PDE4B: variants seen among roughly 807,000 people sequenced by gnomAD.
PDE4B encodes phosphodiesterase 4B.
Under a neutral mutation model 82.2 loss-of-function variants are expected in PDE4B, and 20 were observed. The observed-to-expected ratio is 0.24, with a 90% CI of 0.17 to 0.35. The LOEUF (loss-of-function observed/expected upper bound fraction) is 0.35. Ranked by LOEUF, PDE4B falls within the 10% of genes least tolerant of loss-of-function variation. PDE4B has a pLI of 1.00. For missense variants in PDE4B, 655 were observed against 907.2 expected (o/e 0.72, Z 3.57); for synonymous variants, 320 against 318.9 (o/e 1.00, Z -0.04).
intron 4 of PDE4B, chr1:66,257,388 G>A (rs774191994): frequency 1.1e-5 from 7 of 653,434 alleles, no homozygotes; most frequent in Non-Finnish European, 2.0e-5. Context: ...AATATATCCT[G>A]AGGATATATG....
At chr1:65,942,501 A>G (rs1465323328) in intron 3 of PDE4B, among the ~76,000 whole-genome samples, 1 of 151,960 alleles carries the variant, frequency 6.6e-6, no homozygotes, top group Non-Finnish European at 1.5e-5. Flanking sequence ...ATGGTAGTGC[A>G]GATATTCAAC....
chr1:66,023,045 A>G (rs1653228539), intron 3 of PDE4B, among the ~76,000 whole-genome samples: 2 of 151,956 alleles, frequency 1.3e-5, no homozygotes, highest in African/African-American at 2.4e-5. Flanking sequence ...GACTCTTACC[A>G]TTGATTGTGT....
intron 3 of PDE4B, among the ~76,000 whole-genome samples, chr1:66,151,028 C>T (rs1438593624): frequency 6.6e-6 from 1 of 152,144 alleles, no homozygotes; most frequent in Non-Finnish European, 1.5e-5. Flanking sequence ...ATTTTACTAT[C>T]AAAGTAGTAC....
chr1:66,136,964 G>A (rs1460284597), intron 3 of PDE4B, among the ~76,000 whole-genome samples: 1 of 152,098 alleles, frequency 6.6e-6, no homozygotes, highest in Non-Finnish European at 1.5e-5. Flanking sequence ...GACTAGGATA[G>A]GAAAATATTA....
At chr1:65,836,874 C>T (rs1646146046) in intron 1 of PDE4B, among the ~76,000 whole-genome samples, 1 of 152,162 alleles carries the variant, frequency 6.6e-6, no homozygotes, top group African/African-American at 2.4e-5. Context: ...TCCATTCTTC[C>T]TTCCTATGAG....
intron 3 of PDE4B, among the ~76,000 whole-genome samples, chr1:65,961,449 A>G (rs979081673): frequency 1.3e-5 from 2 of 152,166 alleles, no homozygotes; most frequent in Admixed American, 1.3e-4. Context: ...TATCTATTAT[A>G]ATATTATAAT....
At chr1:65,872,586 G>A (rs1646586035) in intron 1 of PDE4B, among the ~76,000 whole-genome samples, 1 of 152,148 alleles carries the variant, frequency 6.6e-6, no homozygotes, top group African/African-American at 2.4e-5. Context: ...GTCTAGTGAA[G>A]CAGAGGAAAA....
chr1:66,033,202 G>T (rs1047933936), intron 3 of PDE4B, among the ~76,000 whole-genome samples: 46 of 152,054 alleles, frequency 3.0e-4, no homozygotes, highest in Non-Finnish European at 4.9e-4. Context: ...GTTTTTTAGT[G>T]CCTTCTATCC....
chr1:66,207,101 G>A (rs557470792), intron 3 of PDE4B, among the ~76,000 whole-genome samples: 1 of 152,242 alleles, frequency 6.6e-6, no homozygotes, highest in East Asian at 1.9e-4. Flanking sequence ...CAACTTATAT[G>A]GCAAAATTTT....
intron 3 of PDE4B, among the ~76,000 whole-genome samples, chr1:66,244,130 A>T (rs971844227): frequency 2.0e-5 from 3 of 152,362 alleles, no homozygotes; most frequent in African/African-American, 7.2e-5. Context: ...TGCTTGAGAA[A>T]ATTGTGATAC....
chr1:66,101,576 T>C (rs1645224857), intron 3 of PDE4B, among the ~76,000 whole-genome samples: 1 of 152,224 alleles, frequency 6.6e-6, no homozygotes. Context: ...ATTTCTCTGA[T>C]GGCCAGTGAT....
intron 7 of PDE4B, among the ~76,000 whole-genome samples, chr1:66,330,566 A>G (rs779201192): frequency 6.6e-6 from 1 of 152,190 alleles, no homozygotes; most frequent in Non-Finnish European, 1.5e-5. Context: ...TGAATGTCCA[A>G]TATTAGTTAC....
At chr1:66,216,905 A>G (rs1249098535) in intron 3 of PDE4B, among the ~76,000 whole-genome samples, 1 of 152,132 alleles carries the variant, frequency 6.6e-6, no homozygotes, top group Non-Finnish European at 1.5e-5. Context: ...CAGCCTCATT[A>G]CCTATGCACA....
intron 7 of PDE4B, among the ~76,000 whole-genome samples, chr1:66,292,835 T>C (rs1657186919): frequency 6.6e-6 from 1 of 152,216 alleles, no homozygotes; most frequent in African/African-American, 2.4e-5. Context: ...TTCTACATGA[T>C]TTGAAAAGTA....
intron 3 of PDE4B, among the ~76,000 whole-genome samples, chr1:66,011,888 C>A (rs1480737240): frequency 6.6e-6 from 1 of 151,882 alleles, no homozygotes; most frequent in Non-Finnish European, 1.5e-5. Context: ...TGAAAAATGA[C>A]CTTTTTTTGT....
intron 3 of PDE4B, among the ~76,000 whole-genome samples, chr1:66,130,081 A>G (rs752905264): frequency 2.0e-5 from 3 of 152,242 alleles, no homozygotes; most frequent in Admixed American, 6.5e-5. Flanking sequence ...ACATGCAGCT[A>G]TCTAACTCAT....
intron 3 of PDE4B, among the ~76,000 whole-genome samples, chr1:66,191,837 G>T (rs1373883187): frequency 2.6e-5 from 4 of 152,080 alleles, no homozygotes; most frequent in African/African-American, 9.7e-5. Flanking sequence ...GCAGACCAGG[G>T]GGAATGAGAA....
chr1:65,945,633 A>T (rs1429498252), intron 3 of PDE4B, among the ~76,000 whole-genome samples: 1 of 151,958 alleles, frequency 6.6e-6, no homozygotes, highest in Non-Finnish European at 1.5e-5. Context: ...CTTTGAAGAG[A>T]TGGAGCCTAT....
chr1:66,129,814 A>T (rs1445714420), intron 3 of PDE4B, among the ~76,000 whole-genome samples: 1 of 152,156 alleles, frequency 6.6e-6, no homozygotes, highest in Non-Finnish European at 1.5e-5. Flanking sequence ...AAATATGGGA[A>T]CTATTCCATA....
Sources: allele counts gnomAD v4.1 joint callset (sites outside exome capture counted in the v4.1 genomes callset), GRCh38; gene constraint gnomAD v4.1.1; transcripts MANE v1.5; gene names NCBI Gene and HGNC (gene_info 2026-07-23, HGNC 2026-07-21).